CTBP2: variants seen among roughly 807,000 people sequenced by gnomAD.
CTBP2 encodes the protein C-terminal-binding protein 2.
A neutral mutation model predicts 80.3 loss-of-function variants in CTBP2; 30 were observed. The observed-to-expected ratio is 0.37, with a 90% CI of 0.28 to 0.51. The LOEUF is 0.51. CTBP2 is among the 20% of genes least tolerant of loss of function. The pLI is 0.93. For missense variants in CTBP2, 1,212 were observed against 1,375.3 expected (o/e 0.88, Z 1.88); for synonymous variants, 594 against 587.4 (o/e 1.01, Z -0.16).
At position 124,993,927 on chromosome 10, in the gene CTBP2, G is replaced by T; in HGVS notation, c.2459C>A (p.Ala820Asp). 6.2e-7 allele frequency: 1 copy of T among 1,614,204 alleles called. No homozygotes were observed. Among genetic ancestry groups the T allele is most frequent in the Non-Finnish European group, 8.5e-7 (1 of 1,180,044 alleles). The change falls in exon 6 of 9, where the codon GCC (alanine) becomes GAC (aspartate). Residue 820 changes from alanine (A) to aspartate (D), a missense_variant. Ala to Asp is a moderately radical substitution (Grantham distance 126). Transcript: ENST00000309035. Reference sequence around the variant, plus strand: ...GCCCTCCTTGAGGGCTTGTGCTAAGGCTTTCTCGTCCACCAGGCCGCCACG... The same window carrying T: ...GCCCTCCTTGAGGGCTTGTGCTAAGTCTTTCTCGTCCACCAGGCCGCCACG...
At position 124,987,248 on chromosome 10, in the gene CTBP2, A is replaced by ATGAC. The variant is rs1256623167; in HGVS notation, c.*2266_*2269dup. The ATGAC allele has an allele frequency of 2.0e-5, 3 of 152,736 alleles. No individual in the cohort carries two copies. The highest frequency in any genetic ancestry group is 3.9e-4 in the East Asian group (2 of 5,184). 9.5% of individuals were successfully genotyped at this position (152,736 alleles called of 1,614,324 possible). On this transcript the variant is annotated 3_prime_UTR_variant, in exon 9 of 9. Transcript: ENST00000309035. ...ATACGTGGCTAGGTGACAGACATTA[A>ATGAC]TGACTGACTCTGGAGAGTAAGTCAT... is the stretch of plus-strand genomic sequence containing the variant.
intron 2 of CTBP2, among the ~76,000 whole-genome samples, chr10:125,089,495 G>T (rs1207356900): frequency 6.6e-6 from 1 of 152,128 alleles, no homozygotes; most frequent in Admixed American, 6.5e-5. Flanking sequence ...TGTCAACCTA[G>T]AGCCTCCAAG....
upstream of CTBP2, among the ~76,000 whole-genome samples, chr10:125,030,953 G>C (rs1159748395): frequency 6.6e-6 from 1 of 152,162 alleles, no homozygotes; most frequent in Non-Finnish European, 1.5e-5. Flanking sequence ...AACATCTCAG[G>C]AGGCTCTTCA....
intron 1 of CTBP2, among the ~76,000 whole-genome samples, chr10:125,124,378 C>T (rs962681773): frequency 1.3e-5 from 2 of 152,340 alleles, no homozygotes; most frequent in East Asian, 1.9e-4. Context: ...ACTGCAGGAG[C>T]GTCTTTGCTG....
chr10:124,991,348 G>A (rs892950422), intron 8 of CTBP2, among the ~76,000 whole-genome samples: 1 of 152,176 alleles, frequency 6.6e-6, no homozygotes, highest in Non-Finnish European at 1.5e-5. Context: ...TACTGTTCTA[G>A]GGGGCCTAAG....
At chr10:125,072,053 G>T (rs1276288564) in intron 2 of CTBP2, among the ~76,000 whole-genome samples, 2 of 152,158 alleles carry the variant, frequency 1.3e-5, no homozygotes, top group East Asian at 3.9e-4. Context: ...GGCTTTTCTG[G>T]CCAGAACATA....
At chr10:125,009,962 A>G (rs1955681518) in intron 1 of CTBP2, among the ~76,000 whole-genome samples, 1 of 152,124 alleles carries the variant, frequency 6.6e-6, no homozygotes, top group African/African-American at 2.4e-5. Flanking sequence ...CTAAACAACA[A>G]CAAATGTTCT....
intron 1 of CTBP2, among the ~76,000 whole-genome samples, chr10:125,119,082 T>C (rs1201032163): frequency 1.2e-4 from 18 of 152,208 alleles, no homozygotes; most frequent in Non-Finnish European, 2.5e-4. Flanking sequence ...TCTGAGCTCC[T>C]TTCCACAGGG....
At chr10:125,004,501 G>A (rs897900123) in intron 1 of CTBP2, among the ~76,000 whole-genome samples, 4 of 152,142 alleles carry the variant, frequency 2.6e-5, no homozygotes. Flanking sequence ...AGGTCCTCCT[G>A]ACCATCTGCC....
chr10:125,071,832 T>C (rs1845527914), intron 2 of CTBP2, among the ~76,000 whole-genome samples: 1 of 152,076 alleles, frequency 6.6e-6, no homozygotes, highest in South Asian at 2.1e-4. Flanking sequence ...ACCCTGCACC[T>C]TTGCAAATGC....
At chr10:125,098,780 C>CAG (rs1231307838) in intron 2 of CTBP2, among the ~76,000 whole-genome samples, 2 of 48,748 alleles carry the variant, frequency 4.1e-5, no homozygotes, top group Non-Finnish European at 4.3e-5. Flanking sequence ...GAGAGAGAGA[C>CAG]AGAGAGAGAG....
At chr10:124,990,537 ACTATT>A (rs1952468980) in intron 8 of CTBP2, among the ~76,000 whole-genome samples, 1 of 152,228 alleles carries the variant, frequency 6.6e-6, no homozygotes, top group African/African-American at 2.4e-5. Context: ...GATACATTAT[ACTATT>A]TAAAAAAACC....
chr10:125,003,517 CAGTG>C, intron 1 of CTBP2, 25 bp from the exon 4 acceptor site: 1 of 1,524,398 alleles, frequency 6.6e-7, no homozygotes, highest in Non-Finnish European at 8.8e-7. Context: ...GGGGTGAGCA[CAGTG>C]GGTGGGTGGC....
intron 1 of CTBP2, among the ~76,000 whole-genome samples, chr10:125,115,175 A>G (rs1207765192): frequency 7.9e-6 from 1 of 127,268 alleles, no homozygotes; most frequent in African/African-American, 4.2e-5. Flanking sequence ...GTGGGCATAT[A>G]TTAGGGGAGA....
At chr10:125,090,285 C>CA (rs56714830) in intron 2 of CTBP2, among the ~76,000 whole-genome samples, 1,842 of 65,322 alleles carry the variant, frequency 0.028, 48 homozygotes, top group Non-Finnish European at 0.034. Flanking sequence ...GTCCCTGGCT[C>CA]AAAAAAAAAA....
chr10:125,162,365 T>G (rs548947620), upstream of CTBP2: 1 of 152,374 alleles, frequency 6.6e-6, no homozygotes, highest in East Asian at 1.9e-4. Context: ...GCCACCGAGC[T>G]GCACGACCCT....
chr10:125,070,708 C>G (rs1169018152), intron 2 of CTBP2, among the ~76,000 whole-genome samples: 1 of 152,024 alleles, frequency 6.6e-6, no homozygotes, highest in East Asian at 1.9e-4. Flanking sequence ...TTCTGTTGCC[C>G]AGGCTGGAGT....
At chr10:125,119,735 T>G (rs1421127827) in intron 1 of CTBP2, among the ~76,000 whole-genome samples, 1 of 152,246 alleles carries the variant, frequency 6.6e-6, no homozygotes, top group Non-Finnish European at 1.5e-5. Flanking sequence ...GTAACATAAC[T>G]ATCATTTACT....
At chr10:125,157,675 T>A (rs927374285) in intron 1 of CTBP2, among the ~76,000 whole-genome samples, 10 of 152,148 alleles carry the variant, frequency 6.6e-5, no homozygotes, top group African/African-American at 2.4e-4. Context: ...CATCAACACT[T>A]ACACTCTACA....
Sources: gnomAD v4.1 joint callset for allele counts (sites outside exome capture counted in the v4.1 genomes callset) on GRCh38, gnomAD v4.1.1 for gene constraint, MANE v1.5 for transcripts, NCBI Gene and HGNC (gene_info 2026-07-23, HGNC 2026-07-21) for gene names.